CABP1: variants seen among roughly 807,000 people sequenced by gnomAD.
The protein encoded by CABP1 is calcium-binding protein 1.
In CABP1, 17 loss-of-function variants were observed where a neutral mutation model predicts 34.3. The observed-to-expected ratio is 0.50, with a 90% CI of 0.34 to 0.74. The LOEUF (loss-of-function observed/expected upper bound fraction) is 0.74, where lower values mean the gene tolerates loss of function less well. Ranked by LOEUF, CABP1 falls within the 30% of genes least tolerant of loss-of-function variation. The pLI, the probability that CABP1 is intolerant of heterozygous loss-of-function variation, is 0.01. For missense variants in CABP1, 373 were observed against 511.1 expected, an observed-to-expected ratio of 0.73 and a Z score of 2.61; for synonymous variants, 198 against 229.2, an observed-to-expected ratio of 0.86 and a Z score of 1.23.
chr12:120,648,228 T>A (rs1161092566), intron 1 of CABP1, among the ~76,000 whole-genome samples: 1 of 152,162 alleles, frequency 6.6e-6, no homozygotes, highest in Non-Finnish European at 1.5e-5. Context: ...TCAGACAGAT[T>A]CCCCTCACTC....
chr12:120,650,177 C>A (rs931334826), intron 1 of CABP1: 1 of 159,288 alleles, frequency 6.3e-6, no homozygotes, highest in Non-Finnish European at 1.4e-5. Flanking sequence ...CATTCTGGGC[C>A]CCCCTCCCTG....
Position 120,660,441 on chromosome 12 carries a change from A to C in CABP1, c.829+102A>C. 2 of 1,318,968 alleles carry C rather than the reference A, an allele frequency of 1.5e-6. No homozygotes were observed. The highest frequency in any genetic ancestry group is 2.1e-6 in the Non-Finnish European group (2 of 965,414). The allele number at this position is 1,318,968 out of a possible 1,614,324, so 81.7% of individuals were successfully genotyped here. A position where few individuals can be genotyped will look rare whatever the true frequency, so the allele number is the denominator to read the frequency against. Reference sequence around the variant, plus strand: ...TCAAATTCTGCATCCACCTCTTACCAGCTCTGTGATCTGGGGCCAACCACT... The same window carrying C: ...TCAAATTCTGCATCCACCTCTTACCCGCTCTGTGATCTGGGGCCAACCACT... On this transcript the variant is annotated intron_variant, in intron 3 of 5. Transcript: ENST00000316803. The surrounding 1 kb of genome is among the most constrained non-coding windows in gnomAD (Gnocchi z 5.0).
chr12:120,658,550 G>A (rs987177189), intron 1 of CABP1, among the ~76,000 whole-genome samples: 1 of 152,186 alleles, frequency 6.6e-6, no homozygotes, highest in Non-Finnish European at 1.5e-5. Context: ...GCCACACAGA[G>A]CTACCTCTGA....
intron 1 of CABP1, among the ~76,000 whole-genome samples, chr12:120,648,803 C>G (rs1023348365): frequency 8.7e-4 from 133 of 152,058 alleles, no homozygotes; most frequent in Non-Finnish European, 1.6e-3. Flanking sequence ...ATCGCTTCAA[C>G]CCAGGAGGCA....
In CABP1 at chr12:120,666,895, C is replaced by T; in HGVS notation, c.1108C>T (p.Arg370Cys). 3 of 1,605,340 alleles carry T rather than the reference C, an allele frequency of 1.9e-6. No homozygotes were observed. The highest frequency in any genetic ancestry group is 2.5e-6 in the Non-Finnish European group (3 of 1,178,740). ...DFEEFVRMMS[R>C] is the part of the protein sequence containing the mutation. ...TCTAGAGTTTGTCCGGATGATGTCCCGCTGAGGCCGCGAGGGCCCCTCCAG... is the reference window on the plus strand; with the variant it reads ...TCTAGAGTTTGTCCGGATGATGTCCTGCTGAGGCCGCGAGGGCCCCTCCAG... Residue 370 changes from arginine to cysteine, a missense_variant, in exon 6 of 6, where the codon CGC (arginine) becomes TGC (cysteine). By Grantham distance (180) the Arg-to-Cys change is radical (BLOSUM62 -3). Transcript: ENST00000316803.
At position 120,641,471 on chromosome 12, in the gene CABP1, C is replaced by T. The variant is rs1879320315; in HGVS notation, c.654+132C>T. The T allele has an allele frequency of 4.8e-6, 5 of 1,034,566 alleles. No homozygotes were observed. Among genetic ancestry groups the T allele is most frequent in the Middle Eastern group, 3.5e-4 (1 of 2,850 alleles). The allele number at this position is 1,034,566 out of a possible 1,614,324, so 64.1% of individuals were successfully genotyped here. A position where few individuals can be genotyped will look rare whatever the true frequency, so the allele number is the denominator to read the frequency against. ...ATCACGCCTCGGCTCACCTCGTCCT[C>T]CCCGGGCCGGCGCCCTTGCCGGCAC... On this transcript the variant is annotated intron_variant, in intron 1 of 5. Transcript: ENST00000316803. The surrounding 1 kb of genome is among the most constrained non-coding windows in gnomAD (Gnocchi z 6.7).
the CABP1 span, among the ~76,000 whole-genome samples, chr12:120,678,601 C>A: frequency 6.6e-6 from 1 of 152,144 alleles, no homozygotes; most frequent in Admixed American, 6.6e-5. Flanking sequence ...CTAATTATAT[C>A]CATTGTACAA....
chr12:120,666,586 G>C (rs752275257), intron 5 of CABP1, among the ~76,000 whole-genome samples: 2 of 152,162 alleles, frequency 1.3e-5, no homozygotes, highest in Non-Finnish European at 2.9e-5. Context: ...GAGTTAGCCT[G>C]AGAGATATGG....
Position 120,667,176 on chromosome 12 carries a change from G to T in CABP1, c.*276G>T. 1 of 557,890 alleles carries T rather than the reference G, an allele frequency of 1.8e-6. No individual in the cohort carries two copies. Among genetic ancestry groups the T allele is most frequent in the Non-Finnish European group, 3.2e-6 (1 of 310,790 alleles). 34.6% of individuals were successfully genotyped at this position (557,890 alleles called of 1,614,324 possible). A position where few individuals can be genotyped will look rare whatever the true frequency, so the allele number is the denominator to read the frequency against. On this transcript the variant is annotated 3_prime_UTR_variant, in exon 6 of 6. Coordinates refer to ENST00000316803, the MANE Select transcript of CABP1 (RefSeq NM_001033677.2). ...GGCGCCAAGGGCCATGTGCCCAGCT[G>T]CTGCTGGCTGGGTGGGCCAGGGAGC...
chr12:120,660,714 C>T lies in CABP1; in HGVS notation c.830-17C>T. 6.4e-7 allele frequency: 1 copy of T among 1,574,488 alleles called. No individual in the cohort carries two copies. Among genetic ancestry groups the T allele is most frequent in the South Asian group, 1.1e-5 (1 of 90,302 alleles). On this transcript the variant is annotated splice_polypyrimidine_tract_variant and intron_variant, in intron 3 of 5. Transcript: ENST00000316803. This position sits in a 1 kb window ranked among gnomAD's most constrained non-coding sequence, Gnocchi z 5.0. Reference sequence around the variant, plus strand: ...TGGGTATGTCGGGGATGACCTAGCCCTTTCCTCCTTTTCCAGTGGGTGGCC... The same window carrying T: ...TGGGTATGTCGGGGATGACCTAGCCTTTTCCTCCTTTTCCAGTGGGTGGCC...
the CABP1 span, among the ~76,000 whole-genome samples, chr12:120,677,023 T>G: frequency 6.6e-6 from 1 of 151,770 alleles, no homozygotes; most frequent in South Asian, 2.1e-4. Flanking sequence ...GGAGTTTGAG[T>G]GCAGCCTGGG....
At chr12:120,679,448 C>T in the CABP1 span, among the ~76,000 whole-genome samples, 3 of 152,160 alleles carry the variant, frequency 2.0e-5, no homozygotes, top group African/African-American at 4.8e-5. Flanking sequence ...TTAAGAGCAT[C>T]GGATAAGTAG....
chr12:120,658,218 C>T (rs1266561417), intron 1 of CABP1, among the ~76,000 whole-genome samples: 3 of 151,698 alleles, frequency 2.0e-5, no homozygotes, highest in East Asian at 1.9e-4. Flanking sequence ...CTCAGCCTCC[C>T]GAGTAGCTGG....
chr12:120,656,656 G>A (rs1880246312), intron 1 of CABP1, among the ~76,000 whole-genome samples: 1 of 152,168 alleles, frequency 6.6e-6, no homozygotes, highest in Non-Finnish European at 1.5e-5. Context: ...AGCACTTTGG[G>A]AGGCCGAGGT....
intron 1 of CABP1, chr12:120,655,742 GGTGAGAATA>G: frequency 6.8e-7 from 1 of 1,462,478 alleles, no homozygotes; most frequent in South Asian, 1.4e-5. Context: ...ACTTCCCATT[GGTGAGAATA>G]GAAGCCCCCC....
chr12:120,657,656 T>A (rs1403266175), intron 1 of CABP1, among the ~76,000 whole-genome samples: 1 of 152,200 alleles, frequency 6.6e-6, no homozygotes, highest in African/African-American at 2.4e-5. Context: ...GCTACTGCTG[T>A]GCATGGGGTG....
At chr12:120,653,610 C>T (rs1203623302) in intron 1 of CABP1, among the ~76,000 whole-genome samples, 1 of 152,220 alleles carries the variant, frequency 6.6e-6, no homozygotes. Context: ...TCTCGGCTCA[C>T]TGAAGCCTCT....
chr12:120,654,683 GGC>G (rs1880060097), intron 1 of CABP1, among the ~76,000 whole-genome samples: 3 of 151,790 alleles, frequency 2.0e-5, no homozygotes, highest in Admixed American at 2.0e-4. Flanking sequence ...GCAGGCCGAA[GGC>G]AGAGTGCAGG....
At chr12:120,654,843 C>A (rs1364435266) in intron 1 of CABP1, among the ~76,000 whole-genome samples, 1 of 152,218 alleles carries the variant, frequency 6.6e-6, no homozygotes, top group Non-Finnish European at 1.5e-5. Flanking sequence ...GCATGGGAAC[C>A]TTCAGGGCGG....
Sources: allele counts gnomAD v4.1 joint callset (sites outside exome capture counted in the v4.1 genomes callset), GRCh38; gene constraint gnomAD v4.1.1; non-coding constraint Gnocchi (gnomAD v3.1); transcripts MANE v1.5; gene names NCBI Gene and HGNC (gene_info 2026-07-23, HGNC 2026-07-21).